Variants in NREP observed in about 807,000 individuals in gnomAD.
NREP encodes the protein neuronal regeneration-related protein.
A neutral mutation model predicts 8.6 loss-of-function variants in NREP; 5 were observed. The ratio of observed to expected loss-of-function variants is 0.58; its 90% CI spans 0.30 to 1.22. The LOEUF is 1.22. Ranked by LOEUF, NREP falls within the 50% of genes most tolerant of loss-of-function variation. The pLI, the probability that NREP is intolerant of heterozygous loss-of-function variation, is 0.07. For synonymous variants in NREP, 27 were observed against 28.0 expected (o/e 0.96, Z 0.11); for missense variants, 86 against 82.5 (o/e 1.04, Z -0.17).
intron 2 of NREP, among the ~76,000 whole-genome samples, chr5:111,836,080 T>A (rs1419232138): frequency 6.6e-6 from 1 of 152,124 alleles, no homozygotes; most frequent in Non-Finnish European, 1.5e-5. Flanking sequence ...CTCCCTTCGT[T>A]CATTCATTCA....
intron 2 of NREP, among the ~76,000 whole-genome samples, chr5:111,938,635 C>T (rs1158363586): frequency 6.6e-6 from 1 of 151,868 alleles, no homozygotes; most frequent in Non-Finnish European, 1.5e-5. Context: ...GAACCTATGC[C>T]GGGGATAATA....
At chr5:111,870,079 A>G (rs1396850406) in intron 2 of NREP, among the ~76,000 whole-genome samples, 1 of 152,206 alleles carries the variant, frequency 6.6e-6, no homozygotes, top group Non-Finnish European at 1.5e-5. Context: ...GCCAGCTTGT[A>G]CCGACAGCTC....
chr5:111,856,030 C>T (rs921274846), intron 2 of NREP, among the ~76,000 whole-genome samples: 1 of 152,164 alleles, frequency 6.6e-6, no homozygotes, highest in African/African-American at 2.4e-5. Flanking sequence ...TGGGCACCAG[C>T]TGGAGAGGCC....
chr5:111,823,051 T>C (rs1483195633), intron 2 of NREP, among the ~76,000 whole-genome samples: 1 of 152,240 alleles, frequency 6.6e-6, no homozygotes, highest in Non-Finnish European at 1.5e-5. Flanking sequence ...CATCTGCATC[T>C]GGCAAGGGCC....
At chr5:111,756,308 A>AG in intron 1 of NREP, 1 of 781,208 alleles carries the variant, frequency 1.3e-6, no homozygotes, top group Non-Finnish European at 1.5e-6. Flanking sequence ...AAAAAAAAAA[A>AG]AAAACCCTAC....
chr5:111,864,587 A>AT (rs1175025047), intron 2 of NREP, among the ~76,000 whole-genome samples: 2 of 152,100 alleles, frequency 1.3e-5, no homozygotes, highest in Non-Finnish European at 2.9e-5. Context: ...TCTGAAAATA[A>AT]TGTATTTTTA....
intron 2 of NREP, chr5:111,739,738 A>G (rs1329226859): frequency 1.3e-5 from 2 of 151,868 alleles, no homozygotes; most frequent in Non-Finnish European, 2.9e-5. Context: ...TGAATTCTCT[A>G]TTGTTGTTTC....
chr5:111,913,079 T>C (rs1754958312), intron 2 of NREP, among the ~76,000 whole-genome samples: 1 of 152,156 alleles, frequency 6.6e-6, no homozygotes, highest in African/African-American at 2.4e-5. Flanking sequence ...TGAGTACTTT[T>C]ACAATTTTTC....
At chr5:111,813,304 T>C (rs1054559354) in intron 2 of NREP, among the ~76,000 whole-genome samples, 1 of 152,198 alleles carries the variant, frequency 6.6e-6, no homozygotes, top group Non-Finnish European at 1.5e-5. Flanking sequence ...AAAAGTCTCC[T>C]TTTGTTGTTA....
Position 111,858,047 on chromosome 5 carries a change from A to C in NREP, c.135+117227T>G, listed in dbSNP as rs1055445945. 3.9e-5 allele frequency among the ~76,000 whole-genome samples: 6 copies of C among 152,254 alleles called. No homozygotes were observed. The East Asian group carries it at 1.2e-3, about 29-fold the overall frequency. ...TGCTCACTTTCAGACTGCAATACCT[A>C]AAAATGAGAAAATGACAGGGAGCAA... is the stretch of plus-strand genomic sequence containing the variant. On this transcript the variant is annotated intron_variant, in intron 2 of 3. Coordinates refer to the NREP transcript ENST00000395634.
chr5:111,775,892 A>G (rs971969031), intron 2 of NREP, among the ~76,000 whole-genome samples: 1 of 152,194 alleles, frequency 6.6e-6, no homozygotes, highest in Non-Finnish European at 1.5e-5. Context: ...GGTGAAGGAT[A>G]TTAAAAGATA....
At chr5:111,770,554 C>CTTTTTTTTT (rs34538408) in intron 2 of NREP, among the ~76,000 whole-genome samples, 3 of 73,584 alleles carry the variant, frequency 4.1e-5, no homozygotes, top group Non-Finnish European at 5.3e-5. Context: ...GAATTATTTC[C>CTTTTTTTTT]TTTTTTTTTT....
intron 2 of NREP, among the ~76,000 whole-genome samples, chr5:111,883,182 C>T (rs1363186164): frequency 2.0e-5 from 3 of 152,122 alleles, no homozygotes; most frequent in East Asian, 3.8e-4. Flanking sequence ...CAATGCTAGT[C>T]TCTGATAAAA....
At chr5:111,963,622 C>A (rs1756542831) in intron 2 of NREP, among the ~76,000 whole-genome samples, 1 of 152,158 alleles carries the variant, frequency 6.6e-6, no homozygotes. Flanking sequence ...TTTCTGTGAT[C>A]AATTTCACAA....
intron 2 of NREP, among the ~76,000 whole-genome samples, chr5:111,797,266 A>G (rs1315632360): frequency 6.6e-6 from 1 of 152,224 alleles, no homozygotes; most frequent in African/African-American, 2.4e-5. Flanking sequence ...AAAAAAATTT[A>G]AAAGCTTACA....
At chr5:111,779,794 A>G (rs1357612910) in intron 2 of NREP, among the ~76,000 whole-genome samples, 1 of 152,240 alleles carries the variant, frequency 6.6e-6, no homozygotes, top group African/African-American at 2.4e-5. Context: ...TGGAAAGGCA[A>G]CTCAATCAGA....
chr5:111,826,329 G>C (rs1007153779), intron 2 of NREP, among the ~76,000 whole-genome samples: 3 of 152,166 alleles, frequency 2.0e-5, no homozygotes, highest in East Asian at 3.8e-4. Flanking sequence ...CAGGCCACGC[G>C]TCACCACTGG....
chr5:111,756,406 A>C (rs1750714188), intron 1 of NREP, among the ~76,000 whole-genome samples: 1 of 151,844 alleles, frequency 6.6e-6, no homozygotes. Flanking sequence ...ATACTGCTGC[A>C]GTGATTTACC....
At chr5:111,826,645 C>T (rs1415993292) in intron 2 of NREP, among the ~76,000 whole-genome samples, 2 of 152,240 alleles carry the variant, frequency 1.3e-5, no homozygotes, top group Admixed American at 1.3e-4. Flanking sequence ...CAGAAGGAAG[C>T]AATTCTGCAC....
Sources: allele counts gnomAD v4.1 joint callset (sites outside exome capture counted in the v4.1 genomes callset), GRCh38; gene constraint gnomAD v4.1.1; transcripts MANE v1.5; gene names NCBI Gene and HGNC (gene_info 2026-07-23, HGNC 2026-07-21).